ASH1L: variants seen among roughly 807,000 people sequenced by gnomAD.
ASH1L encodes the protein ASH1 like histone lysine methyltransferase, also known as histone-lysine N-methyltransferase ASH1L.
A neutral mutation model predicts 269.0 loss-of-function variants in ASH1L; 23 were observed. The ratio of observed to expected loss-of-function variants is 0.09; its 90% confidence interval spans 0.06 to 0.12. The LOEUF (loss-of-function observed/expected upper bound fraction) is 0.12. Ranked by LOEUF, ASH1L falls within the 10% of genes least tolerant of loss-of-function variation. ASH1L has a pLI of 1.00. For missense variants in ASH1L, 2,912 were observed against 3,567.8 expected, an observed-to-expected ratio of 0.82 and a Z score of 4.68; for synonymous variants, 1,187 against 1,253.5, an observed-to-expected ratio of 0.95 and a Z score of 1.12.
intron 1 of ASH1L, among the ~76,000 whole-genome samples, chr1:155,532,921 A>C (rs994440899): frequency 6.8e-6 from 1 of 146,198 alleles, no homozygotes; most frequent in Admixed American, 7.1e-5. Flanking sequence ...GTATGTGTAT[A>C]TATGTGTGCA....
intron 2 of ASH1L, among the ~76,000 whole-genome samples, chr1:155,489,153 A>G (rs1666566626): frequency 6.6e-6 from 1 of 152,182 alleles, no homozygotes; most frequent in Non-Finnish European, 1.5e-5. Flanking sequence ...TACTGACTGT[A>G]ATTAAATAGT....
chr1:155,393,135 T>C (rs1039199953), intron 7 of ASH1L, among the ~76,000 whole-genome samples: 3 of 152,216 alleles, frequency 2.0e-5, no homozygotes, highest in African/African-American at 7.2e-5. Flanking sequence ...AACTTACTCT[T>C]ACCTTCATTA....
intron 6 of ASH1L, among the ~76,000 whole-genome samples, chr1:155,404,466 G>T (rs1362443151): frequency 6.6e-6 from 1 of 152,122 alleles, no homozygotes; most frequent in Non-Finnish European, 1.5e-5. Flanking sequence ...TTGAGGCCAG[G>T]AGCTCAAGAC....
Position 155,481,050 on chromosome 1 carries a change from T to G in ASH1L, c.1820A>C (p.Glu607Ala). 9 of 1,614,086 alleles carry G rather than the reference T, an allele frequency of 5.6e-6. No individual in the cohort carries two copies. Among genetic ancestry groups the G allele is most frequent in the Non-Finnish European group, 7.6e-6 (9 of 1,179,966 alleles). ...ATGACCAACGTTCAAGTGGGTACTT[T>G]CAGAAGTAAACTGGTTCTTTCCAAC... ...ESVGKNQFTS[E>A]STHLNVGHRS... Residue 607 changes from glutamate (E) to alanine (A), a missense_variant, in exon 3 of 28, where the codon GAA (glutamate) becomes GCA (alanine). Physicochemically the swap from Glu to Ala is moderately radical, Grantham distance 107. Coordinates refer to ENST00000392403, the MANE Select transcript of ASH1L (RefSeq NM_018489.3).
At chr1:155,556,829 G>GCTT (rs1298740609) in intron 1 of ASH1L, among the ~76,000 whole-genome samples, 2 of 152,176 alleles carry the variant, frequency 1.3e-5, no homozygotes, top group Non-Finnish European at 1.5e-5. Context: ...AGGGAGGACT[G>GCTT]CTGAAGTTCG....
chr1:155,442,907 G>C (rs765634733), intron 4 of ASH1L, among the ~76,000 whole-genome samples: 1 of 152,094 alleles, frequency 6.6e-6, no homozygotes, highest in Non-Finnish European at 1.5e-5. Context: ...ATAATTTCCT[G>C]AAAGGTTATT....
chr1:155,559,943 A>G (rs930481598), intron 1 of ASH1L, among the ~76,000 whole-genome samples: 7 of 152,246 alleles, frequency 4.6e-5, no homozygotes, highest in African/African-American at 1.7e-4. Flanking sequence ...GACAAAGAAC[A>G]AAGCCATAGA....
intron 2 of ASH1L, among the ~76,000 whole-genome samples, chr1:155,519,518 T>G (rs377117196): frequency 1.3e-5 from 2 of 152,322 alleles, no homozygotes; most frequent in East Asian, 1.9e-4. Context: ...GAATGAAGTT[T>G]TGGCACATGC....
chr1:155,432,758 C>T (rs115488791), intron 5 of ASH1L, among the ~76,000 whole-genome samples: 216 of 152,254 alleles, frequency 1.4e-3, no homozygotes, highest in Non-Finnish European at 2.5e-3. Flanking sequence ...GTTGTTGAGA[C>T]GAAGTCTTAC....
chr1:155,474,707 A>C (rs560929687), intron 3 of ASH1L, among the ~76,000 whole-genome samples: 1 of 152,180 alleles, frequency 6.6e-6, no homozygotes, highest in East Asian at 1.9e-4. Context: ...TCAAAAACAA[A>C]AGAAAAAAAA....
rs771640468 is a variant in ASH1L at position 155,347,725 on chromosome 1, G to A, written c.7734C>T (p.Asp2578=). ...GGCCACAGATACAGCGAATAACATC[G>A]TCGTCCTTCTCATGCCCATTCTCCT... The part of the protein sequence containing the change: ...SEKENGHEKD[D]DVIRCICGLY... The change falls in exon 20 of 28, where the codon GAC becomes GAT. Residue 2578 remains aspartate, a synonymous_variant. Coordinates refer to ENST00000392403, the MANE Select transcript of ASH1L (RefSeq NM_018489.3). 6 of 1,613,976 alleles carry A rather than the reference G, an allele frequency of 3.7e-6. No homozygotes were observed. Among genetic ancestry groups the A allele is most frequent in the Non-Finnish European group, 4.2e-6 (5 of 1,180,020 alleles).
At chr1:155,519,266 C>T (rs2148836787) in intron 2 of ASH1L, among the ~76,000 whole-genome samples, 1 of 152,134 alleles carries the variant, frequency 6.6e-6, no homozygotes, top group East Asian at 1.9e-4. Context: ...GAAACCCCAT[C>T]TCTACTAAAA....
intron 5 of ASH1L, chr1:155,433,555 G>A (rs758461920): frequency 6.2e-7 from 1 of 1,610,164 alleles, no homozygotes; most frequent in Non-Finnish European, 8.5e-7. Context: ...TGAAACTGGA[G>A]AAGGAGAAGC....
Position 155,562,764 on chromosome 1 carries a change from GGCCCTCACGCGTACCTTCAACGGCGCAA to G in ASH1L, c.-739_-712del, listed in dbSNP as rs1204645786. ...GCCCTGTCAAGCCGGCGCCGGCGCA[GGCCCTCACGCGTACCTTCAACGGCGCAA>G]GCCCAAGCCTCCTCCTCCTCCTCCT... On this transcript the variant is annotated 5_prime_UTR_variant, in exon 1 of 28. Transcript: ENST00000392403. 1.0e-6 allele frequency: 1 copy of G among 971,806 alleles called. No homozygotes were observed. Among genetic ancestry groups the G allele is most frequent in the African/African-American group, 1.6e-5 (1 of 61,844 alleles). The allele number at this position is 971,806 out of a possible 1,614,324, so 60.2% of individuals were successfully genotyped here.
intron 5 of ASH1L, among the ~76,000 whole-genome samples, chr1:155,423,531 C>T (rs754939436): frequency 9.2e-5 from 14 of 151,868 alleles, no homozygotes; most frequent in Non-Finnish European, 1.6e-4. Flanking sequence ...ATCGTGCCAC[C>T]GCACTCCAGC....
intron 6 of ASH1L, among the ~76,000 whole-genome samples, chr1:155,411,591 A>T (rs1659797045): frequency 2.3e-5 from 1 of 42,850 alleles, no homozygotes; most frequent in Non-Finnish European, 6.0e-5. Flanking sequence ...AAATAAATAT[A>T]TATATATATA....
At chr1:155,548,710 A>C (rs779848770) in intron 1 of ASH1L, among the ~76,000 whole-genome samples, 41 of 152,170 alleles carry the variant, frequency 2.7e-4, no homozygotes, top group Non-Finnish European at 5.3e-4. Context: ...ATATTTATCC[A>C]GCAACTCAGT....
intron 5 of ASH1L, among the ~76,000 whole-genome samples, chr1:155,424,605 C>CCATGTTGGT (rs1407200602): frequency 6.6e-6 from 1 of 152,112 alleles, no homozygotes; most frequent in African/African-American, 2.4e-5. Context: ...CGGGGTTTCT[C>CCATGTTGGT]CATGTTGGTC....
chr1:155,557,568 C>T (rs938630973), intron 1 of ASH1L, among the ~76,000 whole-genome samples: 1 of 152,076 alleles, frequency 6.6e-6, no homozygotes, highest in African/African-American at 2.4e-5. Flanking sequence ...GTGTGAGCCA[C>T]CACGCCCGGC....
Sources: allele counts gnomAD v4.1 joint callset (sites outside exome capture counted in the v4.1 genomes callset), GRCh38; gene constraint gnomAD v4.1.1; transcripts MANE v1.5; gene names NCBI Gene and HGNC (gene_info 2026-07-23, HGNC 2026-07-21).